Variants in TEAD1 observed in about 807,000 individuals in gnomAD.
TEAD1 encodes the protein TEA domain transcription factor 1.
Under a neutral mutation model 54.9 loss-of-function variants are expected in TEAD1, and 9 were observed. The observed-to-expected ratio is 0.16, with a 90% CI of 0.10 to 0.29. The LOEUF (loss-of-function observed/expected upper bound fraction) is 0.29, where lower values mean the gene tolerates loss of function less well. Among genes scored for constraint, TEAD1 ranks in the 10% least tolerant of loss-of-function variants. The probability of loss-of-function intolerance (pLI) is 1.00; values close to 1 mark genes in which losing one functional copy is unlikely to be tolerated. For synonymous variants in TEAD1, 200 were observed against 187.8 expected (o/e 1.07, Z -0.53); for missense variants, 387 against 535.9 (o/e 0.72, Z 2.74).
intron 8 of TEAD1, among the ~76,000 whole-genome samples, chr11:12,882,516 G>A (rs1947994349): frequency 6.6e-6 from 1 of 152,138 alleles, no homozygotes; most frequent in Non-Finnish European, 1.5e-5. Context: ...CTCCCTTATG[G>A]ATTCCCCAAA....
At chr11:12,845,957 T>C (rs980839168) in intron 3 of TEAD1, among the ~76,000 whole-genome samples, 1 of 152,224 alleles carries the variant, frequency 6.6e-6, no homozygotes, top group Non-Finnish European at 1.5e-5. Flanking sequence ...AAGGCACGAA[T>C]CATCCAGCAG....
At chr11:12,685,064 C>T (rs1943305120) in intron 2 of TEAD1, among the ~76,000 whole-genome samples, 1 of 152,134 alleles carries the variant, frequency 6.6e-6, no homozygotes, top group Non-Finnish European at 1.5e-5. Flanking sequence ...TGTCAATGTC[C>T]CTGTGTTTTT....
At chr11:12,769,262 C>T (rs920317469) in intron 3 of TEAD1, among the ~76,000 whole-genome samples, 5 of 152,136 alleles carry the variant, frequency 3.3e-5, no homozygotes, top group East Asian at 1.9e-4. Context: ...AGTCCTCCCC[C>T]GCTGCTGACC....
intron 2 of TEAD1, among the ~76,000 whole-genome samples, chr11:12,748,956 G>T (rs1944808667): frequency 6.6e-6 from 1 of 152,114 alleles, no homozygotes; most frequent in Non-Finnish European, 1.5e-5. Flanking sequence ...CTCCTTTTGG[G>T]TTATGCTCCA....
At chr11:12,762,373 C>G (rs888744802) in intron 2 of TEAD1, among the ~76,000 whole-genome samples, 1 of 151,734 alleles carries the variant, frequency 6.6e-6, no homozygotes, top group African/African-American at 2.4e-5. Flanking sequence ...TCATAAGACT[C>G]TTAGATCGTA....
intron 9 of TEAD1, among the ~76,000 whole-genome samples, chr11:12,887,394 C>T (rs1040334823): frequency 5.9e-5 from 9 of 152,098 alleles, no homozygotes; most frequent in South Asian, 4.1e-4. Context: ...CGTGCCCGGC[C>T]GCAGATTGTT....
At chr11:12,685,145 A>G (rs1163051263) in intron 2 of TEAD1, among the ~76,000 whole-genome samples, 1 of 152,200 alleles carries the variant, frequency 6.6e-6, no homozygotes, top group East Asian at 1.9e-4. Context: ...GCCAGGGACC[A>G]CCTGCATTTT....
intron 3 of TEAD1, among the ~76,000 whole-genome samples, chr11:12,821,732 C>G (rs1462741219): frequency 6.6e-6 from 1 of 152,044 alleles, no homozygotes; most frequent in Non-Finnish European, 1.5e-5. Context: ...AACTATTGAT[C>G]AACAACCTGT....
chr11:12,740,880 A>T (rs1944637538), intron 2 of TEAD1, among the ~76,000 whole-genome samples: 1 of 152,126 alleles, frequency 6.6e-6, no homozygotes, highest in South Asian at 2.1e-4. Context: ...GGATTCAAGT[A>T]TCCCCATATC....
intron 3 of TEAD1, among the ~76,000 whole-genome samples, chr11:12,845,626 G>T (rs1310544253): frequency 6.6e-6 from 1 of 152,188 alleles, no homozygotes; most frequent in Non-Finnish European, 1.5e-5. Context: ...TTGAGCACTT[G>T]CACCTGGCTA....
In TEAD1 at chr11:12,941,752, G is replaced by A. The variant is rs575508908; in HGVS notation, c.*4530G>A. 2.0e-5 allele frequency: 3 copies of A among 152,744 alleles called. No individual in the cohort carries two copies. The highest frequency in any genetic ancestry group is 7.2e-5 in the African/African-American group (3 of 41,564). 9.5% of individuals were successfully genotyped at this position (152,744 alleles called of 1,614,324 possible). A position where few individuals can be genotyped will look rare whatever the true frequency, so the allele number is the denominator to read the frequency against. Reference sequence around the variant, plus strand: ...AAATCTTTAAGATGTTGCATGTAGGGTATGCAGTGCAAAAGGCTGCCTCAG... The same window carrying A: ...AAATCTTTAAGATGTTGCATGTAGGATATGCAGTGCAAAAGGCTGCCTCAG... On this transcript the variant is annotated 3_prime_UTR_variant, in exon 13 of 13. Transcript: ENST00000527636.
intron 3 of TEAD1, among the ~76,000 whole-genome samples, chr11:12,854,910 T>C (rs998666519): frequency 5.3e-5 from 8 of 152,042 alleles, no homozygotes; most frequent in Non-Finnish European, 1.2e-4. Flanking sequence ...ATGGCATCTT[T>C]TTACCCCCAT....
chr11:12,866,886 G>T (rs1947629271), intron 5 of TEAD1, among the ~76,000 whole-genome samples: 1 of 151,734 alleles, frequency 6.6e-6, no homozygotes, highest in Non-Finnish European at 1.5e-5. Context: ...CCATGTAAAT[G>T]GGAATGTAAA....
intron 2 of TEAD1, among the ~76,000 whole-genome samples, chr11:12,684,118 C>T (rs891695341): frequency 2.6e-5 from 4 of 152,162 alleles, no homozygotes; most frequent in Non-Finnish European, 5.9e-5. Flanking sequence ...AGAATCTGAG[C>T]CGGATTCCTG....
intron 3 of TEAD1, among the ~76,000 whole-genome samples, chr11:12,817,288 T>G (rs533057222): frequency 6.6e-6 from 1 of 152,338 alleles, no homozygotes; most frequent in Admixed American, 6.5e-5. Context: ...TAGCCAATTT[T>G]ACTTTTGAAG....
At chr11:12,814,677 G>A (rs2133993244) in intron 3 of TEAD1, among the ~76,000 whole-genome samples, 2 of 152,262 alleles carry the variant, frequency 1.3e-5, no homozygotes, top group South Asian at 4.1e-4. Flanking sequence ...ATAGCAGCAA[G>A]GGCGAGAGGC....
At chr11:12,775,646 T>G (rs1945401306) in intron 3 of TEAD1, among the ~76,000 whole-genome samples, 1 of 151,172 alleles carries the variant, frequency 6.6e-6, no homozygotes, top group Non-Finnish European at 1.5e-5. Flanking sequence ...CTGTTCAACT[T>G]GATAAATCTA....
chr11:12,749,701 T>A (rs189607592), intron 2 of TEAD1, among the ~76,000 whole-genome samples: 21 of 152,314 alleles, frequency 1.4e-4, no homozygotes, highest in Non-Finnish European at 1.6e-4. Flanking sequence ...CCCCACTGAA[T>A]GCCCTTACAG....
chr11:12,711,431 G>C (rs1382974097), intron 2 of TEAD1, among the ~76,000 whole-genome samples: 4 of 152,292 alleles, frequency 2.6e-5, no homozygotes, highest in African/African-American at 9.6e-5. Context: ...GTCAAACCCT[G>C]GTCTTTTAGC....
Sources: gnomAD v4.1 joint callset for allele counts (sites outside exome capture counted in the v4.1 genomes callset) on GRCh38, gnomAD v4.1.1 for gene constraint, MANE v1.5 for transcripts, NCBI Gene and HGNC (gene_info 2026-07-23, HGNC 2026-07-21) for gene names.